Variants in SMARCC2 observed in about 807,000 individuals in gnomAD.
SMARCC2 encodes SWI/SNF related BAF chromatin remodeling complex subunit C2, also known as SWI/SNF complex subunit SMARCC2.
In SMARCC2, 15 loss-of-function variants were observed where a neutral mutation model predicts 151.3. That is an observed-to-expected ratio of 0.10 (90% CI 0.07 to 0.15). The LOEUF is 0.15. SMARCC2 is among the 10% of genes least tolerant of loss of function. The pLI is 1.00. For synonymous variants in SMARCC2, 590 were observed against 609.5 expected, an observed-to-expected ratio of 0.97 and a Z score of 0.47; for missense variants, 1,031 against 1,599.7, an observed-to-expected ratio of 0.64 and a Z score of 6.06.
intron 3 of SMARCC2, chr12:56,185,361 T>G (rs942978383): frequency 3.2e-5 from 14 of 433,054 alleles, no homozygotes; most frequent in Admixed American, 7.1e-5. Context: ...GTATTTTTAG[T>G]AAGTAGAGAC....
In SMARCC2 at chr12:56,181,770, T is replaced by G. The variant is rs1367004587; in HGVS notation, c.774A>C (p.Glu258Asp). 6.2e-7 allele frequency: 1 copy of G among 1,614,080 alleles called. No homozygotes were observed. Among genetic ancestry groups the G allele is most frequent in the East Asian group, 2.2e-5 (1 of 44,902 alleles). Residue 258 changes from glutamate to aspartate, a missense_variant, in exon 9 of 29, where the codon GAA (glutamate) becomes GAC (aspartate). This residue lies in a region of SMARCC2 where 123 missense variants were observed against 190.4 expected (regional missense o/e 0.65). Transcript: ENST00000550164. ...FNEWMNEEDY[E>D]VNDDKNPVSR... Reference sequence around the variant, plus strand: ...AGACAGGGTTTTTGTCATCATTTACTTCATAGTCTTCCTCATTCATCCATT... The same window carrying G: ...AGACAGGGTTTTTGTCATCATTTACGTCATAGTCTTCCTCATTCATCCATT...
rs1403177648 is a variant in SMARCC2, at chr12:56,162,436, G to A, written c.*1253C>T. The A allele has an allele frequency of 1.3e-5, 8 of 626,870 alleles. No individual in the cohort carries two copies. Among genetic ancestry groups the A allele is most frequent in the Non-Finnish European group, 2.2e-5 (8 of 356,834 alleles). 38.8% of individuals were successfully genotyped at this position (626,870 alleles called of 1,614,324 possible). ...AAAGAGAAAATTTACAGAAAACTTT[G>A]AACAGAAGAAAGGTGCTAAGACGCA... On this transcript the variant is annotated 3_prime_UTR_variant, in exon 29 of 29. Transcript: ENST00000550164.
In SMARCC2 at chr12:56,162,404, AAG is replaced by A; in HGVS notation, c.*1283_*1284del. 4.6e-6 allele frequency: 3 copies of A among 646,392 alleles called. No homozygotes were observed. Among genetic ancestry groups the A allele is most frequent in the Admixed American group, 2.8e-5 (1 of 35,548 alleles). 40.0% of individuals were successfully genotyped at this position (646,392 alleles called of 1,614,324 possible). A position where few individuals can be genotyped will look rare whatever the true frequency, so the allele number is the denominator to read the frequency against. On this transcript the variant is annotated 3_prime_UTR_variant, in exon 29 of 29. Coordinates refer to ENST00000550164, the MANE Select transcript of SMARCC2 (RefSeq NM_001330288.2). ...TTTATAAAAAAAAAAAAAAGAAAGAAAGAAAAAAAGAGAAAATTTACAGAAAA... is the reference window on the plus strand; with the variant it reads ...TTTATAAAAAAAAAAAAAAGAAAGAAAAAAAAAGAGAAAATTTACAGAAAA...
rs752788954 is a variant in SMARCC2 at position 56,165,327 on chromosome 12, CA to C, written c.3222del (p.Gly1075AspfsTer17). 4.0e-5 allele frequency: 60 copies of C among 1,494,386 alleles called. No homozygotes were observed. The highest frequency in any genetic ancestry group is 2.6e-4 in the Middle Eastern group (1 of 3,916). 92.6% of individuals were successfully genotyped at this position (1,494,386 alleles called of 1,614,324 possible). A position where few individuals can be genotyped will look rare whatever the true frequency, so the allele number is the denominator to read the frequency against. ...GGAACATAACACTTACCATGGGGTC[CA>C]GGGGGGGGAACCCCTGGTGGGACTG... ...PGAVPPGVPP[P>X]GPHGPSPFPN... On this transcript the variant is annotated frameshift_variant, in exon 27 of 29. Coordinates refer to ENST00000550164, the MANE Select transcript of SMARCC2 (RefSeq NM_001330288.2). LOFTEE classifies it high-confidence loss of function.
chr12:56,184,962 A>G, intron 4 of SMARCC2, 26 bp from the exon 5 acceptor site: 2 of 1,600,346 alleles, frequency 1.2e-6, no homozygotes, highest in Non-Finnish European at 1.7e-6. Context: ...ATAGAATGAG[A>G]TTATAGGAAA....
chr12:56,174,128 G>A (rs933422694), intron 16 of SMARCC2, among the ~76,000 whole-genome samples: 1 of 152,148 alleles, frequency 6.6e-6, no homozygotes, highest in African/African-American at 2.4e-5. Context: ...AACTGAACCA[G>A]TTTCTTTCTT....
rs1355763089 is a variant in SMARCC2 at position 56,171,620 on chromosome 12, GTAAC to G, written c.2185+55_2185+58del. 2.1e-5 allele frequency: 32 copies of G among 1,519,080 alleles called. No individual in the cohort carries two copies. In the Admixed American group the frequency reaches 3.9e-4, roughly 19 times the overall value. The allele number at this position is 1,519,080 out of a possible 1,614,324, so 94.1% of individuals were successfully genotyped here. On this transcript the variant is annotated intron_variant, in intron 21 of 28. Transcript: ENST00000550164. This position sits in a 1 kb window ranked among gnomAD's most constrained non-coding sequence, Gnocchi z 4.2. ...AAACTTGAGAGGATTCACAGTCTGA[GTAAC>G]TAGCCCTTCAAAAGCAAACTAAGAA... is the stretch of plus-strand genomic sequence containing the variant.
intron 11 of SMARCC2, among the ~76,000 whole-genome samples, chr12:56,179,769 C>T (rs1176861453): frequency 3.3e-5 from 5 of 152,292 alleles, no homozygotes; most frequent in Admixed American, 2.6e-4. Flanking sequence ...TCACTGCAAC[C>T]TCCACCTCCC....
chr12:56,185,805 G>C (rs1158089188), intron 3 of SMARCC2: 1 of 247,896 alleles, frequency 4.0e-6, no homozygotes, highest in Non-Finnish European at 7.7e-6. Flanking sequence ...GAAATTAGGA[G>C]GCAAGCTTGC....
intron 15 of SMARCC2, among the ~76,000 whole-genome samples, chr12:56,176,527 G>A (rs1875002651): frequency 6.6e-6 from 1 of 152,290 alleles, no homozygotes; most frequent in Admixed American, 6.5e-5. Context: ...GCCCAGGCTG[G>A]AGTGCAGTGG....
chr12:56,175,654 T>G (rs545010594), intron 15 of SMARCC2, among the ~76,000 whole-genome samples: 2 of 152,294 alleles, frequency 1.3e-5, no homozygotes, highest in South Asian at 4.1e-4. Context: ...TGGGCCAGAT[T>G]AAAGGATTCA....
intron 28 of SMARCC2, among the ~76,000 whole-genome samples, chr12:56,164,098 C>A (rs1872306879): frequency 1.3e-5 from 2 of 152,140 alleles, no homozygotes; most frequent in Non-Finnish European, 1.5e-5. Context: ...AAGGCCCCAA[C>A]ATCATCCCAA....
chr12:56,168,757 T>C (rs531856912), intron 25 of SMARCC2, among the ~76,000 whole-genome samples: 4 of 151,986 alleles, frequency 2.6e-5, no homozygotes, highest in Admixed American at 6.5e-5. Flanking sequence ...GGCGAGCAGA[T>C]CACTTGAGTC....
At chr12:56,188,866 C>T (rs2135770940) in intron 1 of SMARCC2, among the ~76,000 whole-genome samples, 1 of 152,232 alleles carries the variant, frequency 6.6e-6, no homozygotes, top group Admixed American at 6.5e-5. Context: ...CAACGGCTTG[C>T]TCTGTGACTG....
intron 26 of SMARCC2, among the ~76,000 whole-genome samples, chr12:56,166,314 T>C (rs1005734468): frequency 6.6e-6 from 1 of 151,926 alleles, no homozygotes; most frequent in Non-Finnish European, 1.5e-5. Flanking sequence ...GCTAATTTTT[T>C]GTATTTTTTT....
chr12:56,179,597 G>A (rs988928058), intron 11 of SMARCC2, among the ~76,000 whole-genome samples: 2 of 152,196 alleles, frequency 1.3e-5, no homozygotes, highest in African/African-American at 4.8e-5. Context: ...AGTATTGGTG[G>A]AGCAATGTCT....
intron 11 of SMARCC2, 82 bp downstream of exon 11, chr12:56,180,895 A>G (rs1355013179): frequency 1.4e-6 from 2 of 1,424,818 alleles, no homozygotes; most frequent in African/African-American, 1.4e-5. Flanking sequence ...TGGACCTGAG[A>G]AATCAGCTCA....
At position 56,178,398 on chromosome 12, in the gene SMARCC2, C is replaced by A. The variant is rs762150165; in HGVS notation, c.1310+6G>T. On this transcript the variant is annotated splice_donor_region_variant and intron_variant, in intron 14 of 28. Transcript: ENST00000550164. ...GGACTCAGTGAGAAGTTGGGGACAA[C>A]CATACCTATTGTAGTCAAACCAGGC... The A allele has an allele frequency of 6.2e-7, 1 of 1,614,230 alleles. No individual in the cohort carries two copies. Among genetic ancestry groups the A allele is most frequent in the South Asian group, 1.1e-5 (1 of 91,086 alleles).
At chr12:56,173,084 G>A (rs1004117351) in intron 17 of SMARCC2, 55 bp from the exon 18 acceptor site, 102 of 1,533,262 alleles carry the variant, frequency 6.7e-5, no homozygotes, top group Non-Finnish European at 8.9e-5. Context: ...CCAGGCCAAG[G>A]CCCTGGAGGC....
Sources: gnomAD v4.1 joint callset for allele counts (sites outside exome capture counted in the v4.1 genomes callset) on GRCh38, gnomAD v4.1.1 for gene constraint, gnomAD v4.1.1 regional missense constraint, Gnocchi (gnomAD v3.1) non-coding constraint, MANE v1.5 for transcripts, NCBI Gene and HGNC (gene_info 2026-07-23, HGNC 2026-07-21) for gene names.